The following SEC24B variants were observed in gnomAD, a reference collection of about 807,000 sequenced individuals.
SEC24B encodes the protein SEC24 homolog B, COPII component.
Under a neutral mutation model 142.8 loss-of-function variants are expected in SEC24B, and 45 were observed. The ratio of observed to expected loss-of-function variants is 0.32; its 90% CI spans 0.25 to 0.40. The LOEUF (loss-of-function observed/expected upper bound fraction) is 0.40, where lower values mean the gene tolerates loss of function less well. Ranked by LOEUF, SEC24B falls within the 10% of genes least tolerant of loss-of-function variation. The probability of loss-of-function intolerance (pLI) is 1.00; values close to 1 mark genes in which losing one functional copy is unlikely to be tolerated. For missense variants in SEC24B, 1,409 were observed against 1,526.8 expected (o/e 0.92, Z 1.29); for synonymous variants, 574 against 568.2 (o/e 1.01, Z -0.15).
intron 5 of SEC24B, among the ~76,000 whole-genome samples, chr4:109,492,784 G>C (rs1735147665): frequency 6.6e-6 from 1 of 152,038 alleles, no homozygotes. Flanking sequence ...GCATGATCGT[G>C]GTTCACTGCA....
chr4:109,437,682 T>G (rs951559256), intron 1 of SEC24B, among the ~76,000 whole-genome samples: 1 of 152,220 alleles, frequency 6.6e-6, no homozygotes, highest in East Asian at 1.9e-4. Flanking sequence ...TGGAGTGCAG[T>G]GGCACGATCT....
chr4:109,530,655 A>T (rs1724805421), intron 19 of SEC24B, among the ~76,000 whole-genome samples, 191 bp downstream of exon 19: 1 of 152,076 alleles, frequency 6.6e-6, no homozygotes, highest in Non-Finnish European at 1.5e-5. Flanking sequence ...TAATCCCAGC[A>T]CTTTGGGAGG....
In SEC24B at chr4:109,463,387, A is replaced by G. The variant is rs1262028402; in HGVS notation, c.620A>G (p.Tyr207Cys). The G allele has an allele frequency of 3.1e-6, 5 of 1,614,190 alleles. No individual in the cohort carries two copies. The highest frequency in any genetic ancestry group is 3.3e-5 in the Admixed American group (2 of 60,026). Residue 207 changes from tyrosine to cysteine, a missense_variant, in exon 2 of 24, where the codon TAT (tyrosine) becomes TGT (cysteine). Physicochemically the swap from Tyr to Cys is radical, Grantham distance 194. Transcript: ENST00000265175. ...SYPSLPAGDT[Y>C]GQMFTSQNAP... Reference sequence around the variant, plus strand: ...CCCTCTCTGCCTGCTGGTGATACATATGGGCAAATGTTTACCTCACAGAAT... The same window carrying G: ...CCCTCTCTGCCTGCTGGTGATACATGTGGGCAAATGTTTACCTCACAGAAT...
intron 9 of SEC24B, among the ~76,000 whole-genome samples, chr4:109,513,076 G>A (rs1243130839): frequency 6.8e-6 from 1 of 146,862 alleles, no homozygotes; most frequent in Non-Finnish European, 1.5e-5. Flanking sequence ...CCGGGTTCAA[G>A]CAATTCTTCT....
At chr4:109,463,694 C>T in intron 2 of SEC24B, 50 bp downstream of exon 2, 1 of 1,565,074 alleles carries the variant, frequency 6.4e-7, no homozygotes. Context: ...TCAGTGCATT[C>T]CCAATTAAGT....
intron 2 of SEC24B, among the ~76,000 whole-genome samples, chr4:109,467,098 G>A (rs184928998): frequency 0.025 from 3,737 of 151,840 alleles, 137 homozygotes; most frequent in South Asian, 0.079. Context: ...AGGCCGAGGC[G>A]GGCGGATCAC....
intron 20 of SEC24B, 98 bp downstream of exon 20, chr4:109,531,620 T>G: frequency 2.4e-6 from 2 of 845,410 alleles, no homozygotes; most frequent in Non-Finnish European, 3.6e-6. Flanking sequence ...TGGTTTTTCT[T>G]TTTAACTCTT....
intron 7 of SEC24B, among the ~76,000 whole-genome samples, chr4:109,509,748 T>C (rs370702697): frequency 6.6e-6 from 1 of 152,120 alleles, no homozygotes; most frequent in African/African-American, 2.4e-5. Context: ...ATTCATCTCC[T>C]TCAGGCTAGT....
chr4:109,457,748 TCACTCTGTGCTCCA>T (rs1730827635), intron 1 of SEC24B, among the ~76,000 whole-genome samples: 1 of 152,218 alleles, frequency 6.6e-6, no homozygotes, highest in Non-Finnish European at 1.5e-5. Context: ...TGTGGCTACA[TCACTCTGTGCTCCA>T]ACTTCACATT....
intron 2 of SEC24B, 141 bp from the exon 3 acceptor site, chr4:109,472,863 A>T (rs538013745): frequency 1.9e-5 from 5 of 266,616 alleles, no homozygotes; most frequent in South Asian, 3.3e-4. Flanking sequence ...AGAACTTCAG[A>T]TAAACTATTT....
Position 109,530,373 on chromosome 4 carries a change from G to A in SEC24B, c.3161G>A (p.Gly1054Asp). 1.2e-6 allele frequency: 2 copies of A among 1,614,058 alleles called. No homozygotes were observed. The highest frequency in any genetic ancestry group is 1.1e-5 in the South Asian group (1 of 91,084). The change falls in exon 19 of 24, where the codon GGC becomes GAC. Residue 1054 changes from glycine to aspartate, a missense_variant. Coordinates refer to ENST00000265175, the MANE Select transcript of SEC24B (RefSeq NM_006323.5). Reference sequence around the variant, plus strand: ...GTAGTGGACTCATTGTCTGCATATGGCTCAACTGTCTCAAATTTACAGCAC... The same window carrying A: ...GTAGTGGACTCATTGTCTGCATATGACTCAACTGTCTCAAATTTACAGCAC... ...NAVVDSLSAY[G>D]STVSNLQHSA...
chr4:109,437,884 G>C (rs1259252851), intron 1 of SEC24B, among the ~76,000 whole-genome samples: 2 of 152,146 alleles, frequency 1.3e-5, no homozygotes, highest in African/African-American at 2.4e-5. Context: ...CGGCCTCCCA[G>C]AGTGCTCGGA....
chr4:109,536,180 A>T (rs1188548997), intron 22 of SEC24B, among the ~76,000 whole-genome samples: 1 of 152,200 alleles, frequency 6.6e-6, no homozygotes, highest in East Asian at 1.9e-4. Context: ...CAAAGGGGGA[A>T]ATATATGAAA....
At chr4:109,473,273 A>C in intron 3 of SEC24B, 87 bp downstream of exon 3, 1 of 848,002 alleles carries the variant, frequency 1.2e-6, no homozygotes, top group Non-Finnish European at 1.7e-6. Context: ...TATAATCTCA[A>C]TCCAAACACA....
chr4:109,458,169 A>G (rs760868941), intron 1 of SEC24B, among the ~76,000 whole-genome samples: 47 of 152,024 alleles, frequency 3.1e-4, no homozygotes, highest in Non-Finnish European at 5.7e-4. Flanking sequence ...ATCAAGGTTC[A>G]TTAAGTCTTC....
rs1033707422 is a variant in SEC24B, at chr4:109,533,777, C to T, written c.3588+92C>T. On this transcript the variant is annotated intron_variant, in intron 22 of 23. Transcript: ENST00000265175. The stretch of plus-strand genomic sequence containing the variant: ...GTAATATTCACCATTTTAAAATGTA[C>T]AATTCAGTAATTTTTGGTATTACAC... 11 of 840,906 alleles carry T rather than the reference C, an allele frequency of 1.3e-5. No individual in the cohort carries two copies. The East Asian group carries it at 1.5e-4, about 11-fold the overall frequency. The allele number at this position is 840,906 out of a possible 1,614,324, so 52.1% of individuals were successfully genotyped here.
At chr4:109,467,217 T>G (rs1040563946) in intron 2 of SEC24B, among the ~76,000 whole-genome samples, 1 of 150,052 alleles carries the variant, frequency 6.7e-6, no homozygotes, top group African/African-American at 2.5e-5. Context: ...TCCCAGCTAC[T>G]CGGGAGGCTG....
At chr4:109,520,291 T>A in intron 11 of SEC24B, 75 bp from the exon 12 acceptor site, 1 of 898,004 alleles carries the variant, frequency 1.1e-6, no homozygotes. Flanking sequence ...GGACTTAAAT[T>A]ACTATTTCAT....
intron 4 of SEC24B, among the ~76,000 whole-genome samples, chr4:109,486,810 C>T (rs537942252): frequency 6.6e-5 from 10 of 152,316 alleles, no homozygotes; most frequent in African/African-American, 2.4e-4. Flanking sequence ...ATTAGCATAG[C>T]TCTGGCCATC....
Sources: gnomAD v4.1 joint callset for allele counts (sites outside exome capture counted in the v4.1 genomes callset) on GRCh38, gnomAD v4.1.1 for gene constraint, MANE v1.5 for transcripts, NCBI Gene and HGNC (gene_info 2026-07-23, HGNC 2026-07-21) for gene names.